Variants in TCP11L1 observed in about 807,000 individuals in gnomAD.
The protein encoded by TCP11L1 is t-complex 11 like 1.
Under a neutral mutation model 48.9 loss-of-function variants are expected in TCP11L1, and 28 were observed. The observed-to-expected ratio is 0.57, with a 90% CI of 0.42 to 0.78. The LOEUF (loss-of-function observed/expected upper bound fraction) is 0.78, where lower values mean the gene tolerates loss of function less well. TCP11L1 is among the 30% of genes least tolerant of loss of function. The pLI is 0.00. For synonymous variants in TCP11L1, 204 were observed against 231.9 expected, an observed-to-expected ratio of 0.88 and a Z score of 1.09; for missense variants, 505 against 613.4, an observed-to-expected ratio of 0.82 and a Z score of 1.87.
At chr11:33,060,273 A>C (rs764490607) in intron 6 of TCP11L1, among the ~76,000 whole-genome samples, 1 of 152,190 alleles carries the variant, frequency 6.6e-6, no homozygotes, top group Non-Finnish European at 1.5e-5. Flanking sequence ...TGGAGGACTC[A>C]CTGGTAGGGT....
In TCP11L1 at chr11:33,061,525, C is replaced by G; in HGVS notation, c.776-5C>G. The G allele has an allele frequency of 6.3e-7, 1 of 1,591,934 alleles. No homozygotes were observed. On this transcript the variant is annotated splice_region_variant and splice_polypyrimidine_tract_variant and intron_variant, in intron 6 of 9. Transcript: ENST00000334274. ...AGGTAATGTGTGCAGCTTTGTTTTT[C>G]ACAGATTCCCTGGACTTTGTCACCC...
chr11:33,048,291 G>A (rs1405148667), intron 2 of TCP11L1, among the ~76,000 whole-genome samples: 2 of 151,924 alleles, frequency 1.3e-5, no homozygotes, highest in Admixed American at 1.3e-4. Context: ...GAGACTACAA[G>A]TGTGCACCAC....
At chr11:33,056,140 T>C (rs1854302090) in intron 3 of TCP11L1, among the ~76,000 whole-genome samples, 1 of 152,120 alleles carries the variant, frequency 6.6e-6, no homozygotes, top group Non-Finnish European at 1.5e-5. Context: ...GACGGAATCT[T>C]GCTCAGTTGC....
rs772742985 is a variant in TCP11L1 at position 33,058,025 on chromosome 11, A to G, written c.524A>G (p.Asp175Gly). The G allele has an allele frequency of 6.2e-7, 1 of 1,614,154 alleles. No individual in the cohort carries two copies. The highest frequency in any genetic ancestry group is 2.2e-5 in the East Asian group (1 of 44,878). Residue 175 changes from aspartate to glycine, a missense_variant, in exon 5 of 10, where the codon GAC becomes GGC. Asp to Gly is a moderately conservative substitution (Grantham distance 94). Transcript: ENST00000334274. ...CAGGAAGCAGAGAATGGGGCGCTAG[A>G]CATTTCCAAGCTGGCAGAATTCATT... Reference protein sequence around the residue: ...IKQEAENGALDISKLAEFIIG... With the variant: ...IKQEAENGALGISKLAEFIIG...
chr11:33,070,023 G>C (rs958890883), intron 9 of TCP11L1, among the ~76,000 whole-genome samples: 2 of 151,952 alleles, frequency 1.3e-5, no homozygotes, highest in African/African-American at 4.8e-5. Context: ...GCCAGTTACC[G>C]ACAGATTGAA....
chr11:33,043,787 T>C lies in TCP11L1; in HGVS notation c.14T>C (p.Leu5Pro). MSEN[L>P]DKSNVNEAGK... is the part of the protein sequence containing the mutation. ...ACTTAATTGAGAATGTCTGAAAACC[T>C]TGACAAGTCCAATGTAAATGAAGCA... The change falls in exon 2 of 10, where the codon CTT becomes CCT. Residue 5 changes from leucine to proline, a missense_variant. Physicochemically the swap from Leu to Pro is moderately conservative, Grantham distance 98. Around this residue, in one of 3 missense-constraint regions of TCP11L1, gnomAD observed 168 missense variants for 183.5 expected, o/e 0.92. Coordinates refer to ENST00000334274, the MANE Select transcript of TCP11L1 (RefSeq NM_018393.4). 1 of 1,607,230 alleles carries C rather than the reference T, an allele frequency of 6.2e-7. No homozygotes were observed. The highest frequency in any genetic ancestry group is 8.5e-7 in the Non-Finnish European group (1 of 1,178,206).
rs1358749898 is a variant in TCP11L1, at chr11:33,061,676, G to A, written c.922G>A (p.Ala308Thr). The A allele has an allele frequency of 3.1e-6, 5 of 1,610,904 alleles. No individual in the cohort carries two copies. Among genetic ancestry groups the A allele is most frequent in the East Asian group, 2.2e-5 (1 of 44,826 alleles). ...GAGCCCTGTTGCTGTCCAGAATTAC[G>A]CTTACCTGAAGCTTCTGAAGTGGGA... ...RLSPVAVQNY[A>T]YLKLLKWDHL... Residue 308 changes from alanine (A) to threonine (T), a missense_variant, in exon 7 of 10, where the codon GCT becomes ACT. Coordinates refer to ENST00000334274, the MANE Select transcript of TCP11L1 (RefSeq NM_018393.4).
rs574915390 is a variant in TCP11L1 at position 33,061,612 on chromosome 11, G to T, written c.858G>T (p.Val286=). 2.0e-5 allele frequency: 32 copies of T among 1,612,276 alleles called. No individual in the cohort carries two copies. The highest frequency in any genetic ancestry group is 6.7e-5 in the East Asian group (3 of 44,792). Residue 286 remains valine (V), a synonymous_variant, in exon 7 of 10, where the codon GTG becomes GTT. Coordinates refer to ENST00000334274, the MANE Select transcript of TCP11L1 (RefSeq NM_018393.4). ...AGAAGTATAAACACGCCCTGCCAGT[G>T]GGGGGAATGGCTGCTGGCTCTGGGG... ...MTQKYKHALP[V]GGMAAGSGDM... is the part of the protein sequence containing the mutation.
chr11:33,049,494 TA>T (rs1484025722), intron 2 of TCP11L1, among the ~76,000 whole-genome samples: 1 of 152,106 alleles, frequency 6.6e-6, no homozygotes, highest in Non-Finnish European at 1.5e-5. Flanking sequence ...CCTCAGTATT[TA>T]TTGATCATTA....
chr11:33,039,858 G>T (rs1570046), intron 1 of TCP11L1, 66 bp downstream of exon 1: 7 of 152,354 alleles, frequency 4.6e-5, no homozygotes, highest in Non-Finnish European at 8.8e-5. Flanking sequence ...CCAAGTCGCA[G>T]GCATCTCTTC....
At chr11:33,055,168 T>C (rs750975104) in intron 3 of TCP11L1, among the ~76,000 whole-genome samples, 2 of 152,242 alleles carry the variant, frequency 1.3e-5, no homozygotes, top group Admixed American at 6.5e-5. Context: ...ATTATAATTA[T>C]AAAAATGCCA....
intron 7 of TCP11L1, among the ~76,000 whole-genome samples, chr11:33,064,009 C>T (rs1854539082): frequency 6.6e-6 from 1 of 152,166 alleles, no homozygotes; most frequent in Admixed American, 6.5e-5. Context: ...CGCTGATCAT[C>T]TTCCCCAGGC....
chr11:33,053,116 G>A (rs1258472610), intron 2 of TCP11L1, among the ~76,000 whole-genome samples: 3 of 151,310 alleles, frequency 2.0e-5, no homozygotes, highest in African/African-American at 7.3e-5. Flanking sequence ...TCCATGATAG[G>A]CTAAAGTTTG....
chr11:33,049,452 G>C (rs556522779), intron 2 of TCP11L1, among the ~76,000 whole-genome samples: 1 of 152,164 alleles, frequency 6.6e-6, no homozygotes, highest in South Asian at 2.1e-4. Flanking sequence ...AGAAAAGTGG[G>C]CCCAGGGGAC....
At position 33,058,110 on chromosome 11, in the gene TCP11L1, G is replaced by A; in HGVS notation, c.609G>A (p.Lys203=). 6.2e-7 allele frequency: 1 copy of A among 1,613,748 alleles called. No individual in the cohort carries two copies. The highest frequency in any genetic ancestry group is 1.1e-5 in the South Asian group (1 of 91,070). The change falls in exon 5 of 10, where the codon AAG becomes AAA. Residue 203 remains lysine (K), a synonymous_variant. Transcript: ENST00000334274. ...PARDEEVKKL[K]DIKEIVPLFR... ...GAGATGAGGAAGTTAAGAAACTAAA[G>A]GACATTAAGGAAATAGTGCCCCTTT... is the stretch of plus-strand genomic sequence containing the variant.
In TCP11L1 at chr11:33,072,519, A is replaced by G. The variant is rs903572572; in HGVS notation, c.1373A>G (p.His458Arg). The G allele has an allele frequency of 1.2e-6, 2 of 1,614,082 alleles. No individual in the cohort carries two copies. The highest frequency in any genetic ancestry group is 1.7e-5 in the Admixed American group (1 of 59,994). Residue 458 changes from histidine (H) to arginine (R), a missense_variant, in exon 10 of 10, where the codon CAT becomes CGT. Physicochemically the swap from His to Arg is conservative, Grantham distance 29. This residue lies in a region of TCP11L1 where 335 missense variants were observed against 413.3 expected (regional missense o/e 0.81). Coordinates refer to ENST00000334274, the MANE Select transcript of TCP11L1 (RefSeq NM_018393.4). ...TTAGAAACCTACCTTGCCTCGGGTCATCAGAAGCCATTGCCCACAGTCCCT... is the reference window on the plus strand; with the variant it reads ...TTAGAAACCTACCTTGCCTCGGGTCGTCAGAAGCCATTGCCCACAGTCCCT... ...TFLETYLASG[H>R]QKPLPTVPGG... is the part of the protein sequence containing the mutation.
chr11:33,062,685 C>T (rs950225353), intron 7 of TCP11L1, among the ~76,000 whole-genome samples: 4 of 152,196 alleles, frequency 2.6e-5, no homozygotes, highest in Non-Finnish European at 4.4e-5. Flanking sequence ...TGCCCCCGCC[C>T]TCTGGCCCCT....
chr11:33,042,757 A>G (rs1191848805), intron 1 of TCP11L1, among the ~76,000 whole-genome samples: 1 of 149,156 alleles, frequency 6.7e-6, no homozygotes, highest in African/African-American at 2.5e-5. Flanking sequence ...ACATGGTGAA[A>G]CCCCGTCTCT....
chr11:33,049,853 A>G (rs553925575), intron 2 of TCP11L1, among the ~76,000 whole-genome samples: 1 of 152,332 alleles, frequency 6.6e-6, no homozygotes, highest in African/African-American at 2.4e-5. Context: ...TCCTCAGCAC[A>G]GACCCTTTAC....
Sources: allele counts gnomAD v4.1 joint callset (sites outside exome capture counted in the v4.1 genomes callset), GRCh38; gene constraint gnomAD v4.1.1; regional missense constraint gnomAD v4.1.1; transcripts MANE v1.5; gene names NCBI Gene and HGNC (gene_info 2026-07-23, HGNC 2026-07-21).